The following FNDC3B variants were observed in gnomAD, a reference collection of about 807,000 sequenced individuals.
FNDC3B encodes fibronectin type III domain containing 3B.
A neutral mutation model predicts 151.5 loss-of-function variants in FNDC3B; 12 were observed. That is an observed-to-expected ratio of 0.08 (90% CI 0.05 to 0.13). The LOEUF is 0.13. Ranked by LOEUF, FNDC3B falls within the 10% of genes least tolerant of loss-of-function variation. The probability of loss-of-function intolerance (pLI) is 1.00; values close to 1 mark genes in which losing one functional copy is unlikely to be tolerated. For missense variants in FNDC3B, 1,214 were observed against 1,505.3 expected, an observed-to-expected ratio of 0.81 and a Z score of 3.20; for synonymous variants, 528 against 549.0, an observed-to-expected ratio of 0.96 and a Z score of 0.54.
rs551116233 is a variant in FNDC3B, at chr3:172,089,919, A to G, written c.-28-22533A>G. Among the ~76,000 whole-genome samples, 239 of 152,316 alleles carry G rather than the reference A, an allele frequency of 1.6e-3. 1 individual carries two copies. Among genetic ancestry groups the G allele is most frequent in the African/African-American group, 5.6e-3 (231 of 41,572 alleles). On this transcript the variant is annotated intron_variant, in intron 1 of 25. Transcript: ENST00000415807. ...CTCAACTTTTTACAACGTTAATGACAAATATGATTTCGACATATATAATTC... is the reference window on the plus strand; with the variant it reads ...CTCAACTTTTTACAACGTTAATGACGAATATGATTTCGACATATATAATTC...
At chr3:172,252,118 G>GC (rs1158341729) in intron 6 of FNDC3B, among the ~76,000 whole-genome samples, 1 of 152,136 alleles carries the variant, frequency 6.6e-6, no homozygotes, top group East Asian at 1.9e-4. Context: ...ACTCAGAATG[G>GC]CATCTGTCTT....
intron 3 of FNDC3B, among the ~76,000 whole-genome samples, chr3:172,212,814 A>C (rs1725798762): frequency 6.6e-6 from 1 of 152,226 alleles, no homozygotes; most frequent in African/African-American, 2.4e-5. Context: ...GAAGAGAAGA[A>C]CTTTAAAAAA....
chr3:172,181,486 G>T (rs2108654078), intron 3 of FNDC3B, among the ~76,000 whole-genome samples: 1 of 149,634 alleles, frequency 6.7e-6, no homozygotes, highest in Non-Finnish European at 1.5e-5. Context: ...TTCAAAGACA[G>T]CCTTTCTCTC....
In FNDC3B at chr3:172,352,868, C is replaced by T. The variant is rs757390266; in HGVS notation, c.2580C>T (p.Ala860=). 5.5e-5 allele frequency: 88 copies of T among 1,614,192 alleles called. No individual in the cohort carries two copies. The highest frequency in any genetic ancestry group is 5.5e-5 in the Non-Finnish European group (65 of 1,180,038). The change falls in exon 22 of 26, where the codon GCC becomes GCT. Residue 860 remains alanine (A), a synonymous_variant. Transcript: ENST00000415807. The surrounding 1 kb of genome is among the most constrained non-coding windows in gnomAD (Gnocchi z 4.2). ...ELVLCQTPAS[A]PDPVSTLCVL... is the part of the protein sequence containing the mutation. ...TCCTTTGCCAGACGCCAGCGTCTGC[C>T]CCTGACCCCGTCTCCACTCTCTGTG...
intron 22 of FNDC3B, among the ~76,000 whole-genome samples, chr3:172,358,622 G>T (rs1734210675): frequency 6.6e-6 from 1 of 152,192 alleles, no homozygotes; most frequent in African/African-American, 2.4e-5. Context: ...CAGCACTGTT[G>T]GGATGGCGTG....
intron 2 of FNDC3B, chr3:172,126,970 G>A: frequency 2.2e-6 from 1 of 456,290 alleles, no homozygotes; most frequent in Non-Finnish European, 4.4e-6. Context: ...ACACACAGAA[G>A]CTGAGCAGAC....
At chr3:172,239,856 C>CTTTTTTTTTTTTTTTTTTTTTTTTT (rs71179981) in intron 4 of FNDC3B, among the ~76,000 whole-genome samples, 2 of 49,914 alleles carry the variant, frequency 4.0e-5, no homozygotes, top group African/African-American at 1.5e-4. Flanking sequence ...CATTTTAGTT[C>CTTTTTTTTTTTTTTTTTTTTTTTTT]TTTTTTTTTT....
At chr3:172,259,061 C>G (rs1216797220) in intron 6 of FNDC3B, among the ~76,000 whole-genome samples, 2 of 152,098 alleles carry the variant, frequency 1.3e-5, no homozygotes, top group Admixed American at 6.6e-5. Flanking sequence ...TCTCTCAAGT[C>G]TATAGGTGAT....
chr3:172,331,757 A>G (rs1476125410), intron 13 of FNDC3B, among the ~76,000 whole-genome samples: 1 of 151,130 alleles, frequency 6.6e-6, no homozygotes, highest in African/African-American at 2.4e-5. Context: ...GATGTCTTTG[A>G]CTCCCTTCCC....
rs1369299788 is a variant in FNDC3B, at chr3:172,297,622, C to T, written c.1002-1106C>T. 2.6e-5 allele frequency among the ~76,000 whole-genome samples: 4 copies of T among 152,092 alleles called. No individual in the cohort carries two copies. The South Asian group carries it at 8.3e-4, about 32-fold the overall frequency. ...CCTGAGTAGGTAGGATTACAGGTGC[C>T]CGCCACCACGCCCGGCTAATTTTTT... On this transcript the variant is annotated intron_variant, in intron 8 of 25. Coordinates refer to ENST00000415807, the MANE Select transcript of FNDC3B (RefSeq NM_022763.4).
At chr3:172,239,856 CTTTTTTTTTTT>C (rs71179981) in intron 4 of FNDC3B, among the ~76,000 whole-genome samples, 149 of 49,926 alleles carry the variant, frequency 3.0e-3, no homozygotes, top group Non-Finnish European at 4.0e-3. Context: ...CATTTTAGTT[CTTTTTTTTTTT>C]TTTTTTTTTT....
At position 172,212,467 on chromosome 3, in the gene FNDC3B, A is replaced by G. The variant is rs541719503; in HGVS notation, c.188-14404A>G. Among the ~76,000 whole-genome samples the G allele has an allele frequency of 4.6e-5, 7 of 152,316 alleles. No homozygotes were observed. In the South Asian group the frequency reaches 1.4e-3, roughly 32 times the overall value. On this transcript the variant is annotated intron_variant, in intron 3 of 25. Coordinates refer to ENST00000415807, the MANE Select transcript of FNDC3B (RefSeq NM_022763.4). ...ACCAGTGATCAGGGATGGCCTGAGG[A>G]AGTTGGGCTGCTTGTGGGGAGAAGC...
intron 1 of FNDC3B, chr3:172,047,000 GC>G (rs1016490943): frequency 3.3e-5 from 5 of 152,110 alleles, no homozygotes; most frequent in African/African-American, 1.2e-4. Flanking sequence ...TAAAATTGGA[GC>G]ACCTTCAGGC....
intron 1 of FNDC3B, among the ~76,000 whole-genome samples, chr3:172,071,761 C>T (rs1269203740): frequency 1.3e-5 from 2 of 152,022 alleles, no homozygotes; most frequent in Non-Finnish European, 2.9e-5. Flanking sequence ...TTTTTGGGGG[C>T]TTTGAAGCAT....
chr3:172,295,194 C>T (rs1477703697), intron 7 of FNDC3B, among the ~76,000 whole-genome samples, 169 bp from the exon 8 acceptor site: 1 of 152,186 alleles, frequency 6.6e-6, no homozygotes, highest in Non-Finnish European at 1.5e-5. Flanking sequence ...TTGCAAGAAC[C>T]ATATTTTGGA....
chr3:172,310,769 A>G (rs1731432329), intron 10 of FNDC3B, 59 bp from the exon 11 acceptor site: 2 of 1,222,112 alleles, frequency 1.6e-6, no homozygotes, highest in Non-Finnish European at 2.4e-6. Flanking sequence ...CCAGGTGGGT[A>G]ACTCATAAGT....
At chr3:172,177,850 C>G (rs1275109385) in intron 3 of FNDC3B, among the ~76,000 whole-genome samples, 1 of 151,916 alleles carries the variant, frequency 6.6e-6, no homozygotes, top group Non-Finnish European at 1.5e-5. Flanking sequence ...TCTCCCTCCC[C>G]TCACCCCTGT....
At chr3:172,064,550 T>C (rs1717392815) in intron 1 of FNDC3B, among the ~76,000 whole-genome samples, 1 of 152,230 alleles carries the variant, frequency 6.6e-6, no homozygotes, top group Non-Finnish European at 1.5e-5. Flanking sequence ...GTTGTTCAGT[T>C]TTAAAATGTT....
chr3:172,383,620 C>G (rs1210146802), intron 25 of FNDC3B, among the ~76,000 whole-genome samples: 1 of 152,138 alleles, frequency 6.6e-6, no homozygotes, highest in Non-Finnish European at 1.5e-5. Context: ...TGGAGATTCA[C>G]CCTCCCAGGT....
Sources: allele counts gnomAD v4.1 joint callset (sites outside exome capture counted in the v4.1 genomes callset), GRCh38; gene constraint gnomAD v4.1.1; non-coding constraint Gnocchi (gnomAD v3.1); transcripts MANE v1.5; gene names NCBI Gene and HGNC (gene_info 2026-07-23, HGNC 2026-07-21).